SLC6A11: variants seen among roughly 807,000 people sequenced by gnomAD.
The protein encoded by SLC6A11 is sodium- and chloride-dependent GABA transporter 3.
A neutral mutation model predicts 74.8 loss-of-function variants in SLC6A11; 25 were observed. That is an observed-to-expected ratio of 0.33 (90% CI 0.24 to 0.47). The LOEUF (loss-of-function observed/expected upper bound fraction) is 0.47, where lower values mean the gene tolerates loss of function less well. Among genes scored for constraint, SLC6A11 ranks in the 20% least tolerant of loss-of-function variants. The probability of loss-of-function intolerance (pLI) is 1.00; values close to 1 mark genes in which losing one functional copy is unlikely to be tolerated. For synonymous variants in SLC6A11, 330 were observed against 330.2 expected (o/e 1.00, Z 0.01); for missense variants, 574 against 837.0 (o/e 0.69, Z 3.88).
intron 10 of SLC6A11, 95 bp downstream of exon 10, chr3:10,929,434 C>A: frequency 7.5e-7 from 1 of 1,341,102 alleles, no homozygotes; most frequent in Non-Finnish European, 1.0e-6. Context: ...CGGGTCAGGT[C>A]TAGTGCCCTC....
chr3:10,880,056 T>A (rs1694956970), intron 6 of SLC6A11, among the ~76,000 whole-genome samples: 1 of 152,148 alleles, frequency 6.6e-6, no homozygotes, highest in African/African-American at 2.4e-5. Context: ...CTGGCCAACA[T>A]CTGAGGCACA....
chr3:10,881,064 C>A (rs1011468891), intron 6 of SLC6A11, among the ~76,000 whole-genome samples: 1 of 152,142 alleles, frequency 6.6e-6, no homozygotes, highest in African/African-American at 2.4e-5. Context: ...TGGTAATCAT[C>A]TGAGTACCAG....
chr3:10,859,906 A>C (rs971026369), intron 5 of SLC6A11, among the ~76,000 whole-genome samples: 6 of 152,160 alleles, frequency 3.9e-5, no homozygotes, highest in African/African-American at 1.4e-4. Context: ...GTCACACCAG[A>C]CTCTACTGTT....
At chr3:10,854,328 G>A (rs1694612642) in intron 5 of SLC6A11, among the ~76,000 whole-genome samples, 1 of 152,164 alleles carries the variant, frequency 6.6e-6, no homozygotes, top group African/African-American at 2.4e-5. Flanking sequence ...GGCAGAGGTT[G>A]CAGTGAGCCG....
At chr3:10,878,045 G>T (rs956689474) in intron 6 of SLC6A11, among the ~76,000 whole-genome samples, 1 of 152,184 alleles carries the variant, frequency 6.6e-6, no homozygotes, top group East Asian at 1.9e-4. Flanking sequence ...TGGTCATCCA[G>T]AAATGGCTCC....
intron 6 of SLC6A11, 119 bp downstream of exon 6, chr3:10,875,214 C>T: frequency 1.3e-6 from 1 of 764,998 alleles, no homozygotes; most frequent in Non-Finnish European, 1.9e-6. Flanking sequence ...AGCCTGTGGA[C>T]TCTTTCCCAG....
chr3:10,823,578 A>G (rs1575665019), intron 4 of SLC6A11, 186 bp downstream of exon 4: 4 of 560,628 alleles, frequency 7.1e-6, no homozygotes, highest in Non-Finnish European at 6.4e-6. Flanking sequence ...CCAAAGGGGC[A>G]GCTGAGAGAA....
At chr3:10,873,128 A>C (rs963804082) in intron 5 of SLC6A11, among the ~76,000 whole-genome samples, 2 of 152,174 alleles carry the variant, frequency 1.3e-5, no homozygotes, top group African/African-American at 2.4e-5. Flanking sequence ...GGGAACTCCT[A>C]CAGTCCCTGC....
At chr3:10,852,700 T>C (rs555650082) in intron 5 of SLC6A11, among the ~76,000 whole-genome samples, 1 of 152,290 alleles carries the variant, frequency 6.6e-6, no homozygotes, top group East Asian at 1.9e-4. Flanking sequence ...TGCACATGGG[T>C]CTCCCTGGGA....
At chr3:10,889,653 C>T (rs940730390) in intron 6 of SLC6A11, among the ~76,000 whole-genome samples, 2 of 152,230 alleles carry the variant, frequency 1.3e-5, no homozygotes, top group Non-Finnish European at 2.9e-5. Flanking sequence ...CTGACTCCCT[C>T]AGGCCCCATC....
At chr3:10,883,584 A>G (rs1252852729) in intron 6 of SLC6A11, among the ~76,000 whole-genome samples, 4 of 152,136 alleles carry the variant, frequency 2.6e-5, no homozygotes, top group Non-Finnish European at 4.4e-5. Context: ...AGAGCACCTC[A>G]GAACACCAAA....
chr3:10,908,329 G>A (rs987957404), intron 6 of SLC6A11, among the ~76,000 whole-genome samples: 1 of 152,172 alleles, frequency 6.6e-6, no homozygotes, highest in Non-Finnish European at 1.5e-5. Context: ...ACAAATGGAG[G>A]CTGTAGCTAA....
At position 10,836,015 on chromosome 3, in the gene SLC6A11, A is replaced by G. The variant is rs76669742; in HGVS notation, c.624-8199A>G. 4.8e-3 allele frequency among the ~76,000 whole-genome samples: 724 copies of G among 152,228 alleles called. 53 individuals are homozygous for G. The East Asian group carries it at 0.11, about 24-fold the overall frequency. On this transcript the variant is annotated intron_variant, in intron 4 of 13. Transcript: ENST00000254488. ...CTAAATAAGAGCTCTCTGCCCATTC[A>G]CCATTAATCTCCATTCCCACCTCCA... is the stretch of plus-strand genomic sequence containing the variant.
At chr3:10,829,433 T>C (rs1694262811) in intron 4 of SLC6A11, among the ~76,000 whole-genome samples, 1 of 152,214 alleles carries the variant, frequency 6.6e-6, no homozygotes. Flanking sequence ...TGCCTCCTGA[T>C]TCAGCATCAG....
At chr3:10,846,161 T>A (rs1167241092) in intron 5 of SLC6A11, among the ~76,000 whole-genome samples, 1 of 152,222 alleles carries the variant, frequency 6.6e-6, no homozygotes, top group African/African-American at 2.4e-5. Context: ...TGGCAATTTT[T>A]AAAAATCTCA....
chr3:10,903,791 G>A (rs189700212), intron 6 of SLC6A11, among the ~76,000 whole-genome samples: 43 of 152,296 alleles, frequency 2.8e-4, no homozygotes, highest in African/African-American at 1.0e-3. Flanking sequence ...GGTACTGAAG[G>A]TTTGTTTCAC....
At chr3:10,874,032 C>CG (rs1694879194) in intron 5 of SLC6A11, among the ~76,000 whole-genome samples, 2 of 150,916 alleles carry the variant, frequency 1.3e-5, no homozygotes, top group Non-Finnish European at 3.0e-5. Context: ...CCTATCCTAT[C>CG]CTACGTTAGT....
chr3:10,877,724 A>T (rs1440265248), intron 6 of SLC6A11, among the ~76,000 whole-genome samples: 1 of 152,180 alleles, frequency 6.6e-6, no homozygotes, highest in Non-Finnish European at 1.5e-5. Context: ...GGAGCATCCT[A>T]AAAGCCCAAT....
intron 6 of SLC6A11, among the ~76,000 whole-genome samples, chr3:10,884,316 C>A (rs892410466): frequency 3.9e-5 from 6 of 152,142 alleles, no homozygotes; most frequent in African/African-American, 1.4e-4. Context: ...AGGTACTGTG[C>A]TTTAGAAACT....
Sources: gnomAD v4.1 joint callset for allele counts (sites outside exome capture counted in the v4.1 genomes callset) on GRCh38, gnomAD v4.1.1 for gene constraint, MANE v1.5 for transcripts, NCBI Gene and HGNC (gene_info 2026-07-23, HGNC 2026-07-21) for gene names.